Variants in TEAD1 observed in about 807,000 individuals in gnomAD.
TEAD1 encodes transcriptional enhancer factor TEF-1.
In TEAD1, 9 loss-of-function variants were observed where a neutral mutation model predicts 54.9. That is an observed-to-expected ratio of 0.16 (90% confidence interval 0.10 to 0.29). TEAD1 has a LOEUF of 0.29. Ranked by LOEUF, TEAD1 falls within the 10% of genes least tolerant of loss-of-function variation. The pLI, the probability that TEAD1 is intolerant of heterozygous loss-of-function variation, is 1.00. For missense variants in TEAD1, 387 were observed against 535.9 expected (o/e 0.72, Z 2.74); for synonymous variants, 200 against 187.8 (o/e 1.07, Z -0.53).
chr11:12,894,618 C>T (rs1214041683), intron 9 of TEAD1, among the ~76,000 whole-genome samples: 4 of 152,092 alleles, frequency 2.6e-5, no homozygotes, highest in Non-Finnish European at 5.9e-5. Context: ...GAAATGCGGA[C>T]GCCAGACCCC....
intron 3 of TEAD1, among the ~76,000 whole-genome samples, chr11:12,861,591 C>G (rs1048113582): frequency 6.6e-6 from 1 of 152,176 alleles, no homozygotes; most frequent in Non-Finnish European, 1.5e-5. Flanking sequence ...TAGAAGAGAA[C>G]TGGGTTTGTT....
chr11:12,792,760 A>G (rs1369669981), intron 3 of TEAD1, among the ~76,000 whole-genome samples: 1 of 152,234 alleles, frequency 6.6e-6, no homozygotes, highest in Non-Finnish European at 1.5e-5. Context: ...CAGGTCCCAA[A>G]ATGTTACAAA....
At chr11:12,767,117 C>T (rs1470338557) in intron 3 of TEAD1, among the ~76,000 whole-genome samples, 1 of 152,146 alleles carries the variant, frequency 6.6e-6, no homozygotes, top group African/African-American at 2.4e-5. Context: ...TGCCTCTGAC[C>T]TGCCTGTGAC....
chr11:12,708,869 A>AAT (rs1943872933), intron 2 of TEAD1, among the ~76,000 whole-genome samples: 1 of 152,214 alleles, frequency 6.6e-6, no homozygotes. Flanking sequence ...TCCTATTTTC[A>AAT]ATATATATGT....
At chr11:12,853,556 C>G (rs1180583886) in intron 3 of TEAD1, among the ~76,000 whole-genome samples, 1 of 152,146 alleles carries the variant, frequency 6.6e-6, no homozygotes, top group African/African-American at 2.4e-5. Flanking sequence ...TCTTTATTGC[C>G]TCATAGAGAA....
intron 3 of TEAD1, among the ~76,000 whole-genome samples, chr11:12,822,018 C>CA (rs1377746091): frequency 1.7e-5 from 2 of 119,782 alleles, no homozygotes; most frequent in Middle Eastern, 0.013. Flanking sequence ...GGCTGGAGTG[C>CA]AGTGGCGCGA....
intron 7 of TEAD1, 97 bp downstream of exon 7, chr11:12,881,148 G>T: frequency 7.3e-7 from 1 of 1,375,354 alleles, no homozygotes; most frequent in South Asian, 1.2e-5. Context: ...GGGCCTGGAG[G>T]AGAAAGGAGC....
At chr11:12,700,754 A>G (rs542799052) in intron 2 of TEAD1, among the ~76,000 whole-genome samples, 5 of 152,218 alleles carry the variant, frequency 3.3e-5, no homozygotes, top group African/African-American at 9.6e-5. Flanking sequence ...TTTCAGTTTT[A>G]TATTTGGTGT....
At chr11:12,839,973 C>T (rs1425328772) in intron 3 of TEAD1, among the ~76,000 whole-genome samples, 4 of 151,904 alleles carry the variant, frequency 2.6e-5, no homozygotes, top group Non-Finnish European at 4.4e-5. Flanking sequence ...ACGGGCCTGG[C>T]GCGGTGGTTC....
At chr11:12,806,379 A>T (rs1946172175) in intron 3 of TEAD1, among the ~76,000 whole-genome samples, 2 of 152,194 alleles carry the variant, frequency 1.3e-5, no homozygotes, top group African/African-American at 4.8e-5. Flanking sequence ...TTGAGAACAG[A>T]TTCAGGGAAG....
At chr11:12,923,740 C>A (rs960698230) in intron 10 of TEAD1, among the ~76,000 whole-genome samples, 5 of 152,168 alleles carry the variant, frequency 3.3e-5, no homozygotes, top group African/African-American at 1.2e-4. Flanking sequence ...ACATGAAGGG[C>A]CAGAGAGAGC....
At chr11:12,926,882 T>G (rs73409300) in intron 11 of TEAD1, among the ~76,000 whole-genome samples, 2,317 of 152,256 alleles carry the variant, frequency 0.015, 49 homozygotes, top group African/African-American at 0.053. Context: ...GATGACCTCC[T>G]CGCCTCTAAG....
intron 3 of TEAD1, chr11:12,851,174 C>G (rs1947266238): frequency 1.2e-6 from 1 of 850,998 alleles, no homozygotes; most frequent in Admixed American, 6.2e-5. Flanking sequence ...TACGTGGAAT[C>G]TTAAAAAAAA....
At chr11:12,773,965 C>T (rs1457624706) in intron 3 of TEAD1, among the ~76,000 whole-genome samples, 2 of 152,122 alleles carry the variant, frequency 1.3e-5, no homozygotes, top group African/African-American at 4.8e-5. Context: ...TGTGAGGGAA[C>T]CCATTGTCAT....
chr11:12,926,917 T>G (rs2581566), intron 11 of TEAD1, among the ~76,000 whole-genome samples: 97,700 of 151,948 alleles, frequency 0.64, 31,602 homozygotes, highest in South Asian at 0.76. Context: ...GTTACCTGTG[T>G]GTGATTGGGA....
At chr11:12,788,884 C>A (rs912792606) in intron 3 of TEAD1, among the ~76,000 whole-genome samples, 2 of 152,196 alleles carry the variant, frequency 1.3e-5, no homozygotes, top group African/African-American at 2.4e-5. Flanking sequence ...GGATTAAAAA[C>A]CAATTTAACT....
At chr11:12,884,106 G>C (rs1295119562) in intron 9 of TEAD1, among the ~76,000 whole-genome samples, 3 of 151,836 alleles carry the variant, frequency 2.0e-5, no homozygotes, top group Non-Finnish European at 2.9e-5. Flanking sequence ...GACTCTATTT[G>C]TCACTTTCTT....
chr11:12,811,924 C>T (rs1285605099), intron 3 of TEAD1, among the ~76,000 whole-genome samples: 1 of 152,006 alleles, frequency 6.6e-6, no homozygotes, highest in Admixed American at 6.6e-5. Flanking sequence ...TCGAACTTCT[C>T]CCAAACAGGC....
At chr11:12,830,102 C>T (rs994632436) in intron 3 of TEAD1, among the ~76,000 whole-genome samples, 1 of 151,846 alleles carries the variant, frequency 6.6e-6, no homozygotes, top group Admixed American at 6.6e-5. Context: ...GGAAAGCCCC[C>T]GAGCCATTGG....
Sources: allele counts gnomAD v4.1 joint callset (sites outside exome capture counted in the v4.1 genomes callset), GRCh38; gene constraint gnomAD v4.1.1; transcripts MANE v1.5; gene names NCBI Gene and HGNC (gene_info 2026-07-23, HGNC 2026-07-21).